LILRB5: variants seen among roughly 807,000 people sequenced by gnomAD.
LILRB5 encodes leukocyte immunoglobulin like receptor B5, also known as leukocyte immunoglobulin-like receptor subfamily B member 5.
A neutral mutation model predicts 68.4 loss-of-function variants in LILRB5; 61 were observed. The ratio of observed to expected loss-of-function variants is 0.89; its 90% CI spans 0.73 to 1.10. The LOEUF (loss-of-function observed/expected upper bound fraction) is 1.10, where lower values mean the gene tolerates loss of function less well. LILRB5 is among the 50% of genes least tolerant of loss of function. The pLI, the probability that LILRB5 is intolerant of heterozygous loss-of-function variation, is 0.00. For missense variants in LILRB5, 771 were observed against 751.6 expected (o/e 1.03, Z -0.30); for synonymous variants, 356 against 315.8 (o/e 1.13, Z -1.35).
intron 6 of LILRB5, 73 bp downstream of exon 6, chr19:54,254,662 G>C (rs913190751): frequency 1.3e-6 from 2 of 1,576,180 alleles, no homozygotes; most frequent in Non-Finnish European, 1.7e-6. Flanking sequence ...CTCCATCCCA[G>C]CCCAGAGCTC....
chr19:54,252,273 G>C (rs1331206467), intron 11 of LILRB5, 93 bp downstream of exon 11: 29 of 1,469,358 alleles, frequency 2.0e-5, no homozygotes, highest in Non-Finnish European at 2.7e-5. Flanking sequence ...CTTGGCCCCA[G>C]ACCCCCCCCA....
At chr19:54,252,619 G>A in intron 9 of LILRB5, 70 bp from the exon 10 acceptor site, 1 of 1,560,860 alleles carries the variant, frequency 6.4e-7, no homozygotes, top group Non-Finnish European at 8.8e-7. Flanking sequence ...CACAACTCGA[G>A]CGGAAAGAAG....
In LILRB5 at chr19:54,255,573, C is replaced by T. The variant is rs1417331504; in HGVS notation, c.665G>A (p.Arg222Lys). 1 of 1,612,974 alleles carries T rather than the reference C, an allele frequency of 6.2e-7. No individual in the cohort carries two copies. Among genetic ancestry groups the T allele is most frequent in the East Asian group, 2.2e-5 (1 of 44,866 alleles). ...CTGCGGGATCAGGAGGGAGGGCTTC[C>T]TAGACACGCCTGGAGGGAAAGAGGA... ...LLEILVPGVS[R>K]KPSLLIPQGS... The change falls in exon 5 of 13, where the codon AGG becomes AAG. Residue 222 changes from arginine to lysine, a missense_variant. Transcript: ENST00000449561.
At position 54,255,267 on chromosome 19, in the gene LILRB5, AACCCGCTGGGCTCCTC is replaced by A; in HGVS notation, c.952+3_952+18del. ...TGTGCAGAGCCTGGGTCCCTGACTG[AACCCGCTGGGCTCCTC>A]ACCTGCGATCAGGATGTCCAGGGGG... On this transcript the variant is annotated splice_donor_5th_base_variant and intron_variant, in intron 5 of 12. Transcript: ENST00000449561. 6.2e-7 allele frequency: 1 copy of A among 1,610,878 alleles called. No individual in the cohort carries two copies. The highest frequency in any genetic ancestry group is 8.5e-7 in the Non-Finnish European group (1 of 1,179,006).
rs1191735968 is a variant in LILRB5 at position 54,256,274 on chromosome 19, G to A, written c.424C>T (p.Leu142Phe). ...AGTCCGTCCAGTGTATCACACTGGAGGGTCACATTTCCTCCTGAGGCCACC... is the reference window on the plus strand; with the variant it reads ...AGTCCGTCCAGTGTATCACACTGGAAGGTCACATTTCCTCCTGAGGCCACC... Reference protein sequence around the residue: ...PVVASGGNVTLQCDTLDGLLT... With the variant: ...PVVASGGNVTFQCDTLDGLLT... Residue 142 changes from leucine to phenylalanine, a missense_variant, in exon 4 of 13, where the codon CTC becomes TTC. Coordinates refer to ENST00000449561, the MANE Select transcript of LILRB5 (RefSeq NM_001081442.3). 6.2e-6 allele frequency: 10 copies of A among 1,613,556 alleles called. No homozygotes were observed. Among genetic ancestry groups the A allele is most frequent in the African/African-American group, 2.7e-5 (2 of 74,980 alleles).
intron 3 of LILRB5, 49 bp from the exon 4 acceptor site, chr19:54,256,391 C>T (rs2079143714): frequency 6.3e-7 from 1 of 1,587,182 alleles, no homozygotes; most frequent in East Asian, 2.2e-5. Context: ...CCTCCCACAT[C>T]ATCCCCAGGG....
chr19:54,256,301 C>T lies in LILRB5; in HGVS notation c.397G>A (p.Val133Met), dbSNP rs1012264765. The change falls in exon 4 of 13, where the codon GTG becomes ATG. Residue 133 changes from valine to methionine, a missense_variant. Physicochemically the swap from Val to Met is conservative, Grantham distance 21. Coordinates refer to ENST00000449561, the MANE Select transcript of LILRB5 (RefSeq NM_001081442.3). ...GTCACATTTCCTCCTGAGGCCACCA[C>T]AGGACTCGGCAGGGCTAAAAGAGTG... ...EPTLLALPSP[V>M]VASGGNVTLQ... is the part of the protein sequence containing the mutation. 6.2e-7 allele frequency: 1 copy of T among 1,612,656 alleles called. No homozygotes were observed. The highest frequency in any genetic ancestry group is 8.5e-7 in the Non-Finnish European group (1 of 1,179,570).
Position 54,252,415 on chromosome 19 carries a change from C to G in LILRB5, c.1539-12G>C, listed in dbSNP as rs750923778. ...CAACTGGGCTGGCCCTGGGGGAGGA[C>G]ACGGGAGTGTGAGGGGCAGTGAGGG... On this transcript the variant is annotated splice_polypyrimidine_tract_variant and intron_variant, in intron 10 of 12. Coordinates refer to ENST00000449561, the MANE Select transcript of LILRB5 (RefSeq NM_001081442.3). The G allele has an allele frequency of 3.7e-6, 6 of 1,614,116 alleles. No homozygotes were observed. In the South Asian group the frequency reaches 6.6e-5, roughly 18 times the overall value.
intron 8 of LILRB5, chr19:54,253,661 C>A: frequency 1.6e-6 from 1 of 642,292 alleles, no homozygotes; most frequent in Non-Finnish European, 2.7e-6. Flanking sequence ...CCTGCCTGGG[C>A]CCACGGTGGG....
chr19:54,249,588 T>C lies in LILRB5; in HGVS notation c.*1198A>G, dbSNP rs1217174692. Reference sequence around the variant, plus strand: ...TTGCAATTTAAAGTACTTGGGAGAATAGAATGAGGAGGGGGAATGTCCTAT... The same window carrying C: ...TTGCAATTTAAAGTACTTGGGAGAACAGAATGAGGAGGGGGAATGTCCTAT... On this transcript the variant is annotated 3_prime_UTR_variant, in exon 13 of 13. Coordinates refer to ENST00000449561, the MANE Select transcript of LILRB5 (RefSeq NM_001081442.3). The C allele has an allele frequency of 1.3e-5, 2 of 152,088 alleles. No homozygotes were observed. Among genetic ancestry groups the C allele is most frequent in the African/African-American group, 2.4e-5 (1 of 41,396 alleles). 9.4% of individuals were successfully genotyped at this position (152,088 alleles called of 1,614,324 possible).
chr19:54,256,909 C>T, intron 2 of LILRB5, 52 bp downstream of exon 2: 1 of 1,613,754 alleles, frequency 6.2e-7, no homozygotes, highest in Admixed American at 1.7e-5. Context: ...CGGGGTTGGG[C>T]CCTTGTCCCC....
intron 8 of LILRB5, 143 bp from the exon 9 acceptor site, chr19:54,253,130 C>T: frequency 2.8e-6 from 1 of 353,412 alleles, no homozygotes. Flanking sequence ...CCCCAATTCA[C>T]AGAGGAGCAA....
At position 54,249,469 on chromosome 19, in the gene LILRB5, A is replaced by T. The variant is rs1330969675; in HGVS notation, c.*1317T>A. 3 of 152,372 alleles carry T rather than the reference A, an allele frequency of 2.0e-5. No homozygotes were observed. Among genetic ancestry groups the T allele is most frequent in the Non-Finnish European group, 4.4e-5 (3 of 68,042 alleles). 9.4% of individuals were successfully genotyped at this position (152,372 alleles called of 1,614,324 possible). ...TTTAATGAACACAATCAAAATACTC[A>T]TTCCTTCGAGGACAAGACACAGTGA... is the stretch of plus-strand genomic sequence containing the variant. On this transcript the variant is annotated 3_prime_UTR_variant, in exon 13 of 13. Coordinates refer to ENST00000449561, the MANE Select transcript of LILRB5 (RefSeq NM_001081442.3).
At position 54,256,197 on chromosome 19, in the gene LILRB5, G is replaced by T; in HGVS notation, c.501C>A (p.Tyr167Ter). ...ATGGCCCTTTGGGGAGCTTCTGTGA[G>T]TACAGGGTCCTGGGGAGCTTCTGTT... is the stretch of plus-strand genomic sequence containing the variant. ...EEEQKLPRTL[Y>*]SQKLPKGPSQ... Residue 167 changes from tyrosine (Y) to a stop codon, truncating the protein, a stop_gained, in exon 4 of 13, where the codon TAC becomes TAA. Coordinates refer to ENST00000449561, the MANE Select transcript of LILRB5 (RefSeq NM_001081442.3). LOFTEE classifies it high-confidence loss of function. 1 of 1,614,040 alleles carries T rather than the reference G, an allele frequency of 6.2e-7. No individual in the cohort carries two copies.
chr19:54,254,316 C>T, intron 7 of LILRB5, 49 bp downstream of exon 7: 1 of 1,541,594 alleles, frequency 6.5e-7, no homozygotes, highest in Non-Finnish European at 8.8e-7. Context: ...TCAGGGCTGC[C>T]TGGGGGGAGA....
Position 54,256,946 on chromosome 19 carries a change from T to C in LILRB5, c.70+15A>G, listed in dbSNP as rs1435838122. The C allele has an allele frequency of 6.2e-6, 10 of 1,614,062 alleles. No homozygotes were observed. Among genetic ancestry groups the C allele is most frequent in the Non-Finnish European group, 8.5e-6 (10 of 1,180,030 alleles). On this transcript the variant is annotated intron_variant, in intron 2 of 12. Transcript: ENST00000449561. ...GTGAGAAGAAGGGACCTGGGACAGC[T>C]GGGGACAGACTCACCTGCCTGCACG...
At position 54,254,824 on chromosome 19, in the gene LILRB5, T is replaced by G; in HGVS notation, c.1166A>C (p.Gln389Pro). The change falls in exon 6 of 13, where the codon CAG (glutamine) becomes CCG (proline). Residue 389 changes from glutamine to proline, a missense_variant. By Grantham distance (76) the Gln-to-Pro change is moderately conservative (BLOSUM62 -1). Transcript: ENST00000449561. ...GCTGTAGCATCGGTAGGTTCCACCC[T>G]GGGCTGAGGTCACAGGACTCATGGA... ...EFSMSPVTSA[Q>P]GGTYRCYSAI... 2 of 1,614,180 alleles carry G rather than the reference T, an allele frequency of 1.2e-6. No homozygotes were observed. The highest frequency in any genetic ancestry group is 1.7e-6 in the Non-Finnish European group (2 of 1,180,006).
chr19:54,254,307 CAG>C (rs1398259734), intron 7 of LILRB5, 56 bp downstream of exon 7: 1 of 1,533,628 alleles, frequency 6.5e-7, no homozygotes, highest in African/African-American at 1.4e-5. Context: ...CGGGGAGACT[CAG>C]GGCTGCCTGG....
Position 54,250,695 on chromosome 19 carries a change from G to C in LILRB5, c.*91C>G. 3 of 1,535,704 alleles carry C rather than the reference G, an allele frequency of 2.0e-6. No homozygotes were observed. In the African/African-American group the frequency reaches 4.1e-5, roughly 21 times the overall value. ...TTTGTTAGGGGTCCAGGCTGGCTGGGGTTCATTGGTGTCCACTGGGGGCAG... is the reference window on the plus strand; with the variant it reads ...TTTGTTAGGGGTCCAGGCTGGCTGGCGTTCATTGGTGTCCACTGGGGGCAG... On this transcript the variant is annotated 3_prime_UTR_variant, in exon 13 of 13. Transcript: ENST00000449561.
Sources: gnomAD v4.1 joint callset for allele counts on GRCh38, gnomAD v4.1.1 for gene constraint, MANE v1.5 for transcripts, NCBI Gene and HGNC (gene_info 2026-07-23, HGNC 2026-07-21) for gene names.